CCSER1: variants seen among roughly 807,000 people sequenced by gnomAD.
CCSER1 encodes the protein coiled-coil serine rich protein 1.
A neutral mutation model predicts 82.0 loss-of-function variants in CCSER1; 41 were observed. The ratio of observed to expected loss-of-function variants is 0.50; its 90% CI spans 0.39 to 0.65. The LOEUF is 0.65. Ranked by LOEUF, CCSER1 falls within the 30% of genes least tolerant of loss-of-function variation. The pLI is 0.00. For synonymous variants in CCSER1, 414 were observed against 383.9 expected (o/e 1.08, Z -0.92); for missense variants, 1,119 against 1,064.2 (o/e 1.05, Z -0.72).
intron 10 of CCSER1, among the ~76,000 whole-genome samples, chr4:91,179,774 T>C (rs1364608287): frequency 6.6e-6 from 1 of 152,146 alleles, no homozygotes; most frequent in Non-Finnish European, 1.5e-5. Context: ...GAGAAGTTTG[T>C]TATTACAGAT....
At chr4:90,501,291 C>G (rs189615076) in intron 5 of CCSER1, among the ~76,000 whole-genome samples, 2 of 152,224 alleles carry the variant, frequency 1.3e-5, no homozygotes, top group East Asian at 3.9e-4. Context: ...TTATTGCATA[C>G]TTAAATTTCC....
chr4:90,974,438 G>A (rs1229121300), intron 9 of CCSER1, among the ~76,000 whole-genome samples: 2 of 147,768 alleles, frequency 1.4e-5, no homozygotes, highest in Non-Finnish European at 3.0e-5. Flanking sequence ...CAATAAAGCT[G>A]GGAGAATTGT....
At chr4:91,066,611 A>T (rs1198226801) in intron 9 of CCSER1, among the ~76,000 whole-genome samples, 2 of 152,198 alleles carry the variant, frequency 1.3e-5, no homozygotes, top group African/African-American at 2.4e-5. Flanking sequence ...TCTTCTGCGT[A>T]ACTGGAGAAG....
chr4:91,565,608 C>T (rs920484264), intron 10 of CCSER1, among the ~76,000 whole-genome samples: 1 of 151,760 alleles, frequency 6.6e-6, no homozygotes, highest in South Asian at 2.1e-4. Flanking sequence ...TTGTAGAGAT[C>T]TTTCACCTCT....
intron 9 of CCSER1, among the ~76,000 whole-genome samples, chr4:91,065,682 T>G (rs981366218): frequency 1.3e-5 from 2 of 152,084 alleles, no homozygotes; most frequent in Non-Finnish European, 2.9e-5. Context: ...TGTTCTGGTA[T>G]GTTTAAACAA....
chr4:90,836,242 A>G (rs1761787715), intron 8 of CCSER1, among the ~76,000 whole-genome samples: 1 of 152,140 alleles, frequency 6.6e-6, no homozygotes, highest in Non-Finnish European at 1.5e-5. Context: ...ATCAGTGTGC[A>G]CTCAGAACAG....
chr4:90,722,481 G>A (rs1283088814), intron 6 of CCSER1, among the ~76,000 whole-genome samples: 2 of 151,802 alleles, frequency 1.3e-5, no homozygotes, highest in Admixed American at 6.6e-5. Flanking sequence ...ATCAGAGAGC[G>A]AGAGTCAGCA....
At chr4:91,233,109 TGAAAGA>T (rs1411362189) in intron 10 of CCSER1, among the ~76,000 whole-genome samples, 3 of 151,300 alleles carry the variant, frequency 2.0e-5, no homozygotes, top group Non-Finnish European at 1.5e-5. Flanking sequence ...CCTTATTTTA[TGAAAGA>T]GAAAGAGAGA....
chr4:90,248,864 A>AT (rs929529932), intron 1 of CCSER1, among the ~76,000 whole-genome samples: 38 of 149,694 alleles, frequency 2.5e-4, no homozygotes, highest in African/African-American at 9.0e-4. Flanking sequence ...CAGTCAGCTA[A>AT]TTTTTGTGTT....
At chr4:90,768,713 G>A (rs142818754) in intron 7 of CCSER1, among the ~76,000 whole-genome samples, 134 of 152,254 alleles carry the variant, frequency 8.8e-4, no homozygotes, top group African/African-American at 3.2e-3. Flanking sequence ...GTATCAGAAA[G>A]TTTAACAACA....
rs891253306 is a variant in CCSER1, at chr4:90,461,151, C to T, written c.1604-7083C>T. On this transcript the variant is annotated intron_variant, in intron 4 of 10. Coordinates refer to ENST00000509176, the MANE Select transcript of CCSER1 (RefSeq NM_001145065.2). ...CGGGATCTCGGCTCACTGCAAGCTC[C>T]GCCTCCCGGGTTCACGCCATTCTCC... Among the ~76,000 whole-genome samples the T allele has an allele frequency of 4.3e-5, 5 of 115,202 alleles. 1 individual carries two copies. Among genetic ancestry groups the T allele is most frequent in the East Asian group, 2.0e-4 (1 of 4,942 alleles). 75.6% of individuals were successfully genotyped at this position (115,202 alleles called of 152,430 possible).
chr4:90,938,050 A>G (rs1269709869), intron 9 of CCSER1, among the ~76,000 whole-genome samples: 1 of 152,122 alleles, frequency 6.6e-6, no homozygotes, highest in Non-Finnish European at 1.5e-5. Context: ...CTTGCAAATT[A>G]TACTTCTTTT....
chr4:90,661,992 C>A (rs1414023353), intron 6 of CCSER1, among the ~76,000 whole-genome samples: 1 of 144,534 alleles, frequency 6.9e-6, no homozygotes, highest in African/African-American at 2.5e-5. Flanking sequence ...CTCTTTGTTT[C>A]TTTCTTTCTT....
At chr4:90,439,190 A>T (rs561321193) in intron 4 of CCSER1, among the ~76,000 whole-genome samples, 2 of 152,222 alleles carry the variant, frequency 1.3e-5, no homozygotes, top group Non-Finnish European at 2.9e-5. Context: ...GGGAGTGCTG[A>T]GGCAGGAGAG....
chr4:90,228,763 G>A (rs1260536224), intron 1 of CCSER1, among the ~76,000 whole-genome samples: 1 of 152,202 alleles, frequency 6.6e-6, no homozygotes, highest in Non-Finnish European at 1.5e-5. Context: ...AACCAATACA[G>A]AGAAGTGCTT....
At chr4:90,475,207 T>G (rs1245611864) in intron 5 of CCSER1, among the ~76,000 whole-genome samples, 2 of 152,206 alleles carry the variant, frequency 1.3e-5, no homozygotes, top group African/African-American at 4.8e-5. Context: ...TCATTTACCC[T>G]CCATCACTTC....
intron 10 of CCSER1, among the ~76,000 whole-genome samples, chr4:91,198,438 TA>T (rs1168649249): frequency 6.6e-6 from 1 of 152,054 alleles, no homozygotes; most frequent in Non-Finnish European, 1.5e-5. Context: ...ACATAAAGAT[TA>T]AAAAATGATT....
intron 5 of CCSER1, among the ~76,000 whole-genome samples, chr4:90,480,982 T>C (rs1199834948): frequency 1.3e-5 from 2 of 152,232 alleles, no homozygotes; most frequent in African/African-American, 2.4e-5. Flanking sequence ...ATGGCCATTT[T>C]CACGATATTG....
chr4:91,335,487 C>T (rs1356652867), intron 10 of CCSER1, among the ~76,000 whole-genome samples: 1 of 152,072 alleles, frequency 6.6e-6, no homozygotes, highest in Non-Finnish European at 1.5e-5. Context: ...GAATTAAGTA[C>T]TTCACTCATT....
Sources: allele counts gnomAD v4.1 joint callset (sites outside exome capture counted in the v4.1 genomes callset), GRCh38; gene constraint gnomAD v4.1.1; transcripts MANE v1.5; gene names NCBI Gene and HGNC (gene_info 2026-07-23, HGNC 2026-07-21).